TLR8: variants seen among roughly 807,000 people sequenced by gnomAD.
TLR8 encodes the protein toll like receptor 8, also known as toll-like receptor 8.
In TLR8, 5 loss-of-function variants were observed where a neutral mutation model predicts 18.5. The ratio of observed to expected loss-of-function variants is 0.27; its 90% CI spans 0.14 to 0.57. The LOEUF (loss-of-function observed/expected upper bound fraction) is 0.57, where lower values mean the gene tolerates loss of function less well. Among genes scored for constraint, TLR8 ranks in the 20% least tolerant of loss-of-function variants. The probability of loss-of-function intolerance (pLI) is 0.92; values close to 1 mark genes in which losing one functional copy is unlikely to be tolerated. For synonymous variants in TLR8, 299 were observed against 300.1 expected (o/e 1.00, Z 0.04); for missense variants, 543 against 769.8 (o/e 0.71, Z 3.49).
chrX:12,911,266 C>T (rs992165464), intron 1 of TLR8, among the ~76,000 whole-genome samples: 8 of 112,197 alleles, frequency 7.1e-5, no homozygotes, highest in Non-Finnish European at 1.5e-4. Flanking sequence ...TATATCCTCT[C>T]ACAGTTCTGG....
At chrX:12,917,398 C>G (rs866582379) in intron 1 of TLR8, among the ~76,000 whole-genome samples, 4 of 112,308 alleles carry the variant, frequency 3.6e-5, no homozygotes, top group African/African-American at 1.3e-4. Context: ...TAATCAATGT[C>G]CACATAAAAA....
At chrX:12,914,860 GAGACGTTGGTAAT>G (rs1376624413) in intron 1 of TLR8, among the ~76,000 whole-genome samples, 1 of 111,437 alleles carries the variant, frequency 9.0e-6, no homozygotes, top group East Asian at 2.8e-4. Context: ...AGAGATTGGG[GAGACGTTGGTAAT>G]AGGACACAAA....
Position 12,921,808 on chromosome X carries a change from AC to A in TLR8, c.2771del (p.Pro924ArgfsTer23). The A allele has an allele frequency of 8.3e-7, 1 of 1,210,197 alleles. No individual in the cohort carries two copies. Among genetic ancestry groups the A allele is most frequent in the Non-Finnish European group, 1.1e-6 (1 of 894,116 alleles). ...VLLCLEERDW[D>X]PGLAIIDNLM... ...CTTTGTCTAGAGGAGAGGGATTGGG[AC>A]CCGGGATTGGCCATCATCGACAACC... On this transcript the variant is annotated frameshift_variant, in exon 2 of 2. Transcript: ENST00000218032. LOFTEE classifies it high-confidence loss of function.
In TLR8 at chrX:12,919,773, T is replaced by C. The variant is rs777245589; in HGVS notation, c.733T>C (p.Leu245=). ...KYISEEDFKG[L]INLTLLDLSG... is the part of the protein sequence containing the mutation. ...CATTAGTGAAGAAGATTTCAAGGGATTGATAAATTTAACATTACTAGATTT... is the reference window on the plus strand; with the variant it reads ...CATTAGTGAAGAAGATTTCAAGGGACTGATAAATTTAACATTACTAGATTT... The change falls in exon 2 of 2, where the codon TTG becomes CTG. Residue 245 remains leucine (L), a synonymous_variant. Transcript: ENST00000218032. 2.5e-6 allele frequency: 3 copies of C among 1,211,594 alleles called. No individual in the cohort carries two copies. The highest frequency in any genetic ancestry group is 2.2e-5 in the Admixed American group (1 of 46,025).
intron 1 of TLR8, among the ~76,000 whole-genome samples, chrX:12,907,725 C>G (rs764425778): frequency 1.8e-5 from 2 of 110,413 alleles, no homozygotes; most frequent in East Asian, 5.7e-4. Context: ...CGGGGTTTCT[C>G]CATGTTGGCC....
At chrX:12,907,218 C>A (rs1049647977) in intron 1 of TLR8, among the ~76,000 whole-genome samples, 1 of 112,489 alleles carries the variant, frequency 8.9e-6, no homozygotes, top group Non-Finnish European at 1.9e-5. Flanking sequence ...TGCTACTTTT[C>A]TTGGTCAGAG....
chrX:12,911,150 T>C (rs748204003), intron 1 of TLR8, among the ~76,000 whole-genome samples: 1 of 110,777 alleles, frequency 9.0e-6, no homozygotes, highest in African/African-American at 3.3e-5. Flanking sequence ...CAGCAGAGGG[T>C]TTCACAGAAC....
At position 12,921,408 on chromosome X, in the gene TLR8, C is replaced by T; in HGVS notation, c.2368C>T (p.His790Tyr). 1 of 1,211,995 alleles carries T rather than the reference C, an allele frequency of 8.3e-7. No homozygotes were observed. Among genetic ancestry groups the T allele is most frequent in the East Asian group, 3.0e-5 (1 of 33,870 alleles). ...IGDFRRWMDE[H>Y]LNVKIPRLVD... ...AGATTTCCGAAGATGGATGGATGAA[C>T]ATCTGAATGTCAAAATTCCCAGACT... The change falls in exon 2 of 2, where the codon CAT (histidine) becomes TAT (tyrosine). Residue 790 changes from histidine (H) to tyrosine (Y), a missense_variant. His to Tyr is a moderately conservative substitution (Grantham distance 83). Around this residue, in one of 4 missense-constraint regions of TLR8, gnomAD observed 227 missense variants for 312.9 expected, o/e 0.73. Transcript: ENST00000218032.
At chrX:12,912,239 T>G (rs2043026527) in intron 1 of TLR8, among the ~76,000 whole-genome samples, 1 of 113,135 alleles carries the variant, frequency 8.8e-6, no homozygotes, top group East Asian at 2.8e-4. Context: ...GGTTCTGCTG[T>G]AATGAGGGTG....
chrX:12,906,831 A>C lies in TLR8; in HGVS notation c.3+122A>C, dbSNP rs1602446875. Reference sequence around the variant, plus strand: ...AGTAATAAATGGGCAAATAAGGATAAAAATTAAAGATCGAAACAACTGTAA... The same window carrying C: ...AGTAATAAATGGGCAAATAAGGATACAAATTAAAGATCGAAACAACTGTAA... On this transcript the variant is annotated intron_variant, in intron 1 of 1. Transcript: ENST00000218032. 2.0e-5 allele frequency: 12 copies of C among 599,514 alleles called. No individual in the cohort carries two copies. In the South Asian group the frequency reaches 7.7e-4, roughly 38 times the overall value. 49.4% of individuals were successfully genotyped at this position (599,514 alleles called of 1,213,427 possible). A position where few individuals can be genotyped will look rare whatever the true frequency, so the allele number is the denominator to read the frequency against.
At chrX:12,909,254 C>G (rs1414998202) in intron 1 of TLR8, among the ~76,000 whole-genome samples, 1 of 112,157 alleles carries the variant, frequency 8.9e-6, no homozygotes, top group East Asian at 2.8e-4. Context: ...GAATGCAGCC[C>G]AAGACAAATT....
intron 1 of TLR8, among the ~76,000 whole-genome samples, chrX:12,915,189 G>A (rs1027232178): frequency 5.4e-5 from 6 of 110,139 alleles, no homozygotes; most frequent in Admixed American, 9.6e-5. Flanking sequence ...TTTTTGAGAC[G>A]GGTGGTCTCT....
intron 1 of TLR8, among the ~76,000 whole-genome samples, chrX:12,918,735 A>T (rs749966361): frequency 1.2e-4 from 13 of 110,795 alleles, no homozygotes; most frequent in Non-Finnish European, 2.3e-4. Context: ...GGGTCTCCCT[A>T]TGCTGCCCAG....
At chrX:12,914,881 A>G (rs1182076670) in intron 1 of TLR8, among the ~76,000 whole-genome samples, 1 of 111,451 alleles carries the variant, frequency 9.0e-6, no homozygotes, top group Non-Finnish European at 1.9e-5. Context: ...AATAGGACAC[A>G]AAATTTCAGT....
chrX:12,907,513 T>C (rs1466903272), intron 1 of TLR8, among the ~76,000 whole-genome samples: 3 of 112,206 alleles, frequency 2.7e-5, no homozygotes, highest in Non-Finnish European at 5.6e-5. Flanking sequence ...TTGGAGTTAA[T>C]TTTGACAACA....
Position 12,919,331 on chromosome X carries a change from C to T in TLR8, c.291C>T (p.Asn97=), listed in dbSNP as rs2043077593. Residue 97 remains asparagine, a synonymous_variant, in exon 2 of 2, where the codon AAC becomes AAT. Coordinates refer to ENST00000218032, the MANE Select transcript of TLR8 (RefSeq NM_138636.5). The stretch of plus-strand genomic sequence containing the variant: ...TCACTAAAATAAATCTAAACCACAA[C>T]CCCAATGTACAGCACCAGAACGGAA... ...QNLTKINLNH[N]PNVQHQNGNP... 1 of 1,209,353 alleles carries T rather than the reference C, an allele frequency of 8.3e-7. No individual in the cohort carries two copies. Among genetic ancestry groups the T allele is most frequent in the Admixed American group, 2.2e-5 (1 of 45,685 alleles).
intron 1 of TLR8, among the ~76,000 whole-genome samples, chrX:12,912,728 A>T: frequency 8.9e-6 from 1 of 112,711 alleles, no homozygotes; most frequent in Non-Finnish European, 1.9e-5. Flanking sequence ...CTCTTAACTA[A>T]AAAATGTCTT....
chrX:12,909,621 C>T (rs1277937316), intron 1 of TLR8, among the ~76,000 whole-genome samples: 3 of 111,673 alleles, frequency 2.7e-5, no homozygotes, highest in African/African-American at 9.8e-5. Flanking sequence ...AAATCCGCCA[C>T]CAGCATTTGA....
In TLR8 at chrX:12,919,193, T is replaced by C. The variant is rs1324901780; in HGVS notation, c.153T>C (p.Asn51=). 2 of 1,210,471 alleles carry C rather than the reference T, an allele frequency of 1.7e-6. No individual in the cohort carries two copies. Among genetic ancestry groups the C allele is most frequent in the African/African-American group, 3.5e-5 (2 of 57,247 alleles). The part of the protein sequence containing the change: ...QNDSVIAECS[N]RRLQEVPQTV... ...ACTCAGTTATTGCAGAGTGCAGCAA[T>C]CGTCGACTACAGGAAGTTCCCCAAA... Residue 51 remains asparagine, a synonymous_variant, in exon 2 of 2, where the codon AAT becomes AAC. Coordinates refer to ENST00000218032, the MANE Select transcript of TLR8 (RefSeq NM_138636.5).
Sources: gnomAD v4.1 joint callset for allele counts (sites outside exome capture counted in the v4.1 genomes callset) on GRCh38, gnomAD v4.1.1 for gene constraint, gnomAD v4.1.1 regional missense constraint, MANE v1.5 for transcripts, NCBI Gene and HGNC (gene_info 2026-07-23, HGNC 2026-07-21) for gene names.